Variants in IQCM observed in about 807,000 individuals in gnomAD.
IQCM encodes IQ motif containing M.
Under a neutral mutation model 57.6 loss-of-function variants are expected in IQCM, and 45 were observed. That is an observed-to-expected ratio of 0.78 (90% CI 0.62 to 1.00). The LOEUF (loss-of-function observed/expected upper bound fraction) is 1.00, where lower values mean the gene tolerates loss of function less well. Among genes scored for constraint, IQCM ranks in the 50% least tolerant of loss-of-function variants. The pLI is 0.00. For synonymous variants in IQCM, 148 were observed against 158.9 expected (o/e 0.93, Z 0.51); for missense variants, 468 against 511.6 (o/e 0.91, Z 0.82).
chr4:149,636,221 C>T (rs1757706805), intron 7 of IQCM, among the ~76,000 whole-genome samples: 1 of 152,120 alleles, frequency 6.6e-6, no homozygotes, highest in African/African-American at 2.4e-5. Flanking sequence ...TACTATAATA[C>T]CTTGGGCAGA....
intron 13 of IQCM, among the ~76,000 whole-genome samples, chr4:149,399,225 C>T (rs563487444): frequency 1.3e-4 from 20 of 152,168 alleles, no homozygotes; most frequent in South Asian, 1.0e-3. Flanking sequence ...TTTTCTCAAA[C>T]ATCATCCTCT....
chr4:149,631,695 T>C (rs537301080), intron 7 of IQCM, among the ~76,000 whole-genome samples: 1 of 152,348 alleles, frequency 6.6e-6, no homozygotes, highest in Non-Finnish European at 1.5e-5. Flanking sequence ...CTGTATTCTA[T>C]TCTCTTATTT....
chr4:149,628,768 T>C (rs1161610229), intron 7 of IQCM, among the ~76,000 whole-genome samples: 1 of 152,090 alleles, frequency 6.6e-6, no homozygotes, highest in Non-Finnish European at 1.5e-5. Flanking sequence ...TAAAGAAAAC[T>C]TCAATGATAA....
At chr4:149,740,225 CCTG>C (rs1767331274) in intron 3 of IQCM, among the ~76,000 whole-genome samples, 1 of 152,098 alleles carries the variant, frequency 6.6e-6, no homozygotes, top group Non-Finnish European at 1.5e-5. Flanking sequence ...TAAGGCCAAC[CCTG>C]TGTATGTAAT....
At chr4:149,802,571 T>C (rs76985798) in intron 2 of IQCM, among the ~76,000 whole-genome samples, 3,335 of 152,058 alleles carry the variant, frequency 0.022, 64 homozygotes, top group South Asian at 0.036. Flanking sequence ...TAACAAAAGC[T>C]AATGGAGCAT....
chr4:149,476,596 T>A (rs1160386666), intron 12 of IQCM, among the ~76,000 whole-genome samples: 2 of 152,096 alleles, frequency 1.3e-5, no homozygotes, highest in Admixed American at 6.6e-5. Context: ...ATTAATACAT[T>A]CTTTGTAAAC....
intron 9 of IQCM, among the ~76,000 whole-genome samples, chr4:149,565,925 T>G (rs1179067505): frequency 6.6e-6 from 1 of 152,216 alleles, no homozygotes; most frequent in Non-Finnish European, 1.5e-5. Flanking sequence ...TTGAAAATTT[T>G]TATAAATTAC....
At chr4:149,808,102 A>G (rs1197334346) in intron 2 of IQCM, among the ~76,000 whole-genome samples, 1 of 152,222 alleles carries the variant, frequency 6.6e-6, no homozygotes, top group Non-Finnish European at 1.5e-5. Flanking sequence ...GGTATATTTA[A>G]GAGATATCTG....
At chr4:149,444,757 T>C (rs1736322582) in intron 12 of IQCM, among the ~76,000 whole-genome samples, 1 of 151,874 alleles carries the variant, frequency 6.6e-6, no homozygotes, top group South Asian at 2.1e-4. Context: ...TAGTGGTACA[T>C]AGCAAATTGA....
At position 149,358,950 on chromosome 4, in the gene IQCM, G is replaced by A. The variant is rs528912015; in HGVS notation, c.1391-6884C>T. Among the ~76,000 whole-genome samples the A allele has an allele frequency of 9.8e-4, 87 of 88,686 alleles. 1 individual carries two copies. The highest frequency in any genetic ancestry group is 5.7e-3 in the Middle Eastern group (1 of 174). The allele number at this position is 88,686 out of a possible 152,430, so 58.2% of individuals were successfully genotyped here. On this transcript the variant is annotated intron_variant, in intron 13 of 13. Coordinates refer to ENST00000636793, the MANE Select transcript of IQCM (RefSeq NM_001363507.2). ...AAGAGAGAGAGACACGGGTTGAGGGGTAGGGAGGGTGCAGGAAAGGAGGGA... is the reference window on the plus strand; with the variant it reads ...AAGAGAGAGAGACACGGGTTGAGGGATAGGGAGGGTGCAGGAAAGGAGGGA...
rs1761485384 is a variant in IQCM, at chr4:149,673,472, C to T, written c.565+8646G>A. 2.0e-5 allele frequency among the ~76,000 whole-genome samples: 3 copies of T among 152,052 alleles called. No individual in the cohort carries two copies. The South Asian group carries it at 6.2e-4, about 32-fold the overall frequency. ...AACAAAAAAATGCAGGGGTTGCAAT[C>T]CTAGTCTCTGATAAAACAGACTTTA... is the stretch of plus-strand genomic sequence containing the variant. On this transcript the variant is annotated intron_variant, in intron 7 of 13. Coordinates refer to ENST00000636793, the MANE Select transcript of IQCM (RefSeq NM_001363507.2).
At chr4:149,671,892 T>C (rs941694192) in intron 7 of IQCM, among the ~76,000 whole-genome samples, 2 of 152,178 alleles carry the variant, frequency 1.3e-5, no homozygotes, top group Non-Finnish European at 2.9e-5. Flanking sequence ...AGTGCTTTAC[T>C]TCCAACTATG....
At chr4:149,542,587 C>T (rs1747960487) in intron 12 of IQCM, among the ~76,000 whole-genome samples, 2 of 152,006 alleles carry the variant, frequency 1.3e-5, no homozygotes, top group Admixed American at 1.3e-4. Context: ...ATCCCCTCCT[C>T]TAGCATATAG....
chr4:149,431,951 G>A (rs1560830411), intron 13 of IQCM, among the ~76,000 whole-genome samples: 1 of 149,466 alleles, frequency 6.7e-6, no homozygotes, highest in Non-Finnish European at 1.5e-5. Context: ...ATATATATAT[G>A]TGTATGTGTG....
chr4:149,454,673 TA>T (rs1251699824), intron 12 of IQCM, among the ~76,000 whole-genome samples: 3 of 151,940 alleles, frequency 2.0e-5, no homozygotes, highest in Non-Finnish European at 4.4e-5. Flanking sequence ...TATTTGGTAA[TA>T]AAAAACAGTG....
At chr4:149,667,520 C>T (rs193291326) in intron 7 of IQCM, among the ~76,000 whole-genome samples, 12 of 152,202 alleles carry the variant, frequency 7.9e-5, no homozygotes, top group Middle Eastern at 3.4e-3. Context: ...AACACCTCTT[C>T]TCCTCCAAAG....
chr4:149,665,560 T>C (rs1760642347), intron 7 of IQCM, among the ~76,000 whole-genome samples: 1 of 152,150 alleles, frequency 6.6e-6, no homozygotes, highest in Admixed American at 6.5e-5. Context: ...AATATACTTG[T>C]TTATTTGTTG....
intron 5 of IQCM, among the ~76,000 whole-genome samples, chr4:149,712,369 C>CAA (rs3085129): frequency 0.03 from 4,477 of 150,602 alleles, 182 homozygotes; most frequent in African/African-American, 0.096. Flanking sequence ...CACACACACA[C>CAA]AACACACATA....
intron 12 of IQCM, among the ~76,000 whole-genome samples, chr4:149,511,496 C>T (rs547014358): frequency 6.6e-6 from 1 of 151,752 alleles, no homozygotes; most frequent in South Asian, 2.1e-4. Context: ...CCACTGCTGT[C>T]CAGCCTGGGT....
Sources: allele counts gnomAD v4.1 joint callset (sites outside exome capture counted in the v4.1 genomes callset), GRCh38; gene constraint gnomAD v4.1.1; transcripts MANE v1.5; gene names NCBI Gene and HGNC (gene_info 2026-07-23, HGNC 2026-07-21).